The following GBP4 variants were observed in gnomAD, a reference collection of about 807,000 sequenced individuals.
The protein encoded by GBP4 is guanylate-binding protein 4.
A neutral mutation model predicts 62.2 loss-of-function variants in GBP4; 69 were observed. The observed-to-expected ratio is 1.11, with a 90% CI of 0.91 to 1.36. The LOEUF (loss-of-function observed/expected upper bound fraction) is 1.36. Among genes scored for constraint, GBP4 ranks in the 40% most tolerant of loss-of-function variants. The pLI is 0.00. For missense variants in GBP4, 697 were observed against 759.3 expected, an observed-to-expected ratio of 0.92 and a Z score of 0.96; for synonymous variants, 278 against 274.6, an observed-to-expected ratio of 1.01 and a Z score of -0.12.
At chr1:89,195,230 T>G (rs562747208) in intron 3 of GBP4, 67 bp downstream of exon 3, 1 of 1,549,464 alleles carries the variant, frequency 6.5e-7, no homozygotes, top group Admixed American at 1.7e-5. Context: ...TGTACAGAAG[T>G]TGAAGGGAGC....
At position 89,185,289 on chromosome 1, in the gene GBP4, C is replaced by T. The variant is rs1220951059; in HGVS notation, c.1888G>A (p.Gly630Arg). Residue 630 changes from glycine to arginine, a missense_variant, in exon 11 of 11, where the codon GGA (glycine) becomes AGA (arginine). Around this residue, in one of 2 missense-constraint regions of GBP4, gnomAD observed 141 missense variants for 196.6 expected, o/e 0.72. Transcript: ENST00000355754. Reference protein sequence around the residue: ...VTLPGASKLLGVGTKYLGSRI With the variant: ...VTLPGASKLLRVGTKYLGSRI ...GAGCCAAGATATTTTGTCCCTACTCCAAGTAGCTTGGAAGCCCCAGGTAGA... is the reference window on the plus strand; with the variant it reads ...GAGCCAAGATATTTTGTCCCTACTCTAAGTAGCTTGGAAGCCCCAGGTAGA... 1 of 1,613,054 alleles carries T rather than the reference C, an allele frequency of 6.2e-7. No individual in the cohort carries two copies. Among genetic ancestry groups the T allele is most frequent in the African/African-American group, 1.3e-5 (1 of 74,890 alleles).
Position 89,187,068 on chromosome 1 carries a change from T to A in GBP4, c.1445A>T (p.Gln482Leu), listed in dbSNP as rs374218635. 17 of 1,613,996 alleles carry A rather than the reference T, an allele frequency of 1.1e-5. No individual in the cohort carries two copies. The highest frequency in any genetic ancestry group is 1.4e-5 in the Non-Finnish European group (16 of 1,179,984). The change falls in exon 9 of 11, where the codon CAG (glutamine) becomes CTG (leucine). Residue 482 changes from glutamine (Q) to leucine (L), a missense_variant. Coordinates refer to ENST00000355754, the MANE Select transcript of GBP4 (RefSeq NM_052941.5). ...NEVLQNFLQS[Q>L]VVVEESILQS... ...CAGGATGGATTCCTCTACAACCACC[T>A]GTGACTGCAGGAAGTTCTGGAGGAC...
chr1:89,193,030 T>G lies in GBP4; in HGVS notation c.544A>C (p.Ser182Arg). 1 of 1,614,220 alleles carries G rather than the reference T, an allele frequency of 6.2e-7. No homozygotes were observed. The highest frequency in any genetic ancestry group is 8.5e-7 in the Non-Finnish European group (1 of 1,180,044). ...CPRPDEAEDS[S>R]EFASFFPDFI... ...TCTGGAAAGAAACTCGCAAACTCGC[T>G]GGAGTCCTCAGCTTCATCAGGTCTG... Residue 182 changes from serine (S) to arginine (R), a missense_variant, in exon 5 of 11, where the codon AGC becomes CGC. Coordinates refer to ENST00000355754, the MANE Select transcript of GBP4 (RefSeq NM_052941.5).
intron 2 of GBP4, among the ~76,000 whole-genome samples, chr1:89,196,673 A>C (rs1648349847): frequency 6.6e-6 from 1 of 152,258 alleles, no homozygotes; most frequent in South Asian, 2.1e-4. Context: ...GAAATGAAGC[A>C]AAAAATTAGA....
At chr1:89,198,447 A>C (rs1648406366) in intron 1 of GBP4, among the ~76,000 whole-genome samples, 1 of 152,150 alleles carries the variant, frequency 6.6e-6, no homozygotes, top group South Asian at 2.1e-4. Flanking sequence ...CAGAAAATTA[A>C]TAAAACAAAC....
chr1:89,191,244 G>A lies in GBP4; in HGVS notation c.916+17C>T. ...TGGACCACAGACAGACATGCTTTGGGACAAAAAAAGACTCACGCTTTCCAG... is the reference window on the plus strand; with the variant it reads ...TGGACCACAGACAGACATGCTTTGGAACAAAAAAAGACTCACGCTTTCCAG... On this transcript the variant is annotated intron_variant, in intron 6 of 10. Coordinates refer to ENST00000355754, the MANE Select transcript of GBP4 (RefSeq NM_052941.5). 6.2e-7 allele frequency: 1 copy of A among 1,607,696 alleles called. No individual in the cohort carries two copies. The highest frequency in any genetic ancestry group is 8.5e-7 in the Non-Finnish European group (1 of 1,174,636).
At chr1:89,190,002 A>C in intron 7 of GBP4, 36 bp downstream of exon 7, 1 of 1,571,332 alleles carries the variant, frequency 6.4e-7, no homozygotes, top group Non-Finnish European at 8.7e-7. Context: ...TCATTTCGGA[A>C]GGGCAGAAAT....
chr1:89,197,216 T>C lies in GBP4; in HGVS notation c.129A>G (p.Leu43=), dbSNP rs747141602. 9.9e-6 allele frequency: 16 copies of C among 1,614,086 alleles called. No individual in the cohort carries two copies. The South Asian group carries it at 1.6e-4, about 17-fold the overall frequency. Residue 43 remains leucine (L), a synonymous_variant, in exon 2 of 11, where the codon TTA becomes TTG. Transcript: ENST00000355754. ...GCTGAGAAATCTTGTCAAGAATCTC[T>C]AATGCCTTTGAATTCACTGTCAGCT... ...EEQLTVNSKA[L]EILDKISQPV...
rs369359973 is a variant in GBP4, at chr1:89,190,838, A to G, written c.916+423T>C. ...TGGACGACTACACAGGTTGCATGCCATGAAGCTAGCCCCGTACTTAATATG... is the reference window on the plus strand; with the variant it reads ...TGGACGACTACACAGGTTGCATGCCGTGAAGCTAGCCCCGTACTTAATATG... On this transcript the variant is annotated intron_variant, in intron 6 of 10. Coordinates refer to ENST00000355754, the MANE Select transcript of GBP4 (RefSeq NM_052941.5). Among the ~76,000 whole-genome samples, 38 of 152,180 alleles carry G rather than the reference A, an allele frequency of 2.5e-4. 1 individual carries two copies. The highest frequency in any genetic ancestry group is 9.1e-4 in the African/African-American group (38 of 41,550).
intron 7 of GBP4, 84 bp downstream of exon 7, chr1:89,189,951 AAGG>A (rs1648135573): frequency 1.6e-6 from 2 of 1,275,672 alleles, no homozygotes; most frequent in African/African-American, 3.0e-5. Flanking sequence ...CCACAGTGGT[AAGG>A]AGATGAACCA....
At position 89,190,230 on chromosome 1, in the gene GBP4, C is replaced by T; in HGVS notation, c.1005G>A (p.Gln335=). 1 of 1,614,176 alleles carries T rather than the reference C, an allele frequency of 6.2e-7. No homozygotes were observed. Among genetic ancestry groups the T allele is most frequent in the Middle Eastern group, 1.6e-4 (1 of 6,062 alleles). Residue 335 remains glutamine (Q), a synonymous_variant, in exon 7 of 11, where the codon CAG becomes CAA. Transcript: ENST00000355754. ...CLENAVTALA[Q]LENPAAVQRA... ...TCTGCACAGCCGCTGGGTTCTCAAG[C>T]TGGGCCAGTGCTGTCACTGCATTCT...
At chr1:89,192,661 A>G (rs1362956313) in intron 5 of GBP4, among the ~76,000 whole-genome samples, 1 of 152,236 alleles carries the variant, frequency 6.6e-6, no homozygotes, top group African/African-American at 2.4e-5. Context: ...TTATTGGTCT[A>G]AAATGATTTG....
Position 89,186,513 on chromosome 1 carries a change from C to T in GBP4, c.1527G>A (p.Met509Ile), listed in dbSNP as rs1352453832. 6.2e-7 allele frequency: 1 copy of T among 1,613,978 alleles called. No homozygotes were observed. Among genetic ancestry groups the T allele is most frequent in the Non-Finnish European group, 8.5e-7 (1 of 1,179,962 alleles). Residue 509 changes from methionine to isoleucine, a missense_variant, in exon 10 of 11, where the codon ATG (methionine) becomes ATA (isoleucine). Transcript: ENST00000355754. ...GEKAIAAERA[M>I]KEAAEKEQEL... ...CCTGTTCCTTCTCAGCTGCTTCCTT[C>T]ATGGCCCGCTCCGCTATTCCACAAA...
intron 3 of GBP4, among the ~76,000 whole-genome samples, chr1:89,194,543 C>A (rs911418122): frequency 6.6e-6 from 1 of 151,974 alleles, no homozygotes; most frequent in Non-Finnish European, 1.5e-5. Flanking sequence ...TCCCTTTTTT[C>A]AATAATGGAA....
At chr1:89,198,537 G>A (rs925844437) in intron 1 of GBP4, among the ~76,000 whole-genome samples, 3 of 152,182 alleles carry the variant, frequency 2.0e-5, no homozygotes, top group Non-Finnish European at 4.4e-5. Context: ...GAAGCCCGAG[G>A]AGGAGCAGCG....
chr1:89,193,013 G>A lies in GBP4; in HGVS notation c.561C>T (p.Phe187=), dbSNP rs1557475548. ...EAEDSSEFAS[F]FPDFIWTVRD... Reference sequence around the variant, plus strand: ...GAACAGTCCAAATAAAGTCTGGAAAGAAACTCGCAAACTCGCTGGAGTCCT... The same window carrying A: ...GAACAGTCCAAATAAAGTCTGGAAAAAAACTCGCAAACTCGCTGGAGTCCT... Residue 187 remains phenylalanine, a synonymous_variant, in exon 5 of 11, where the codon TTC becomes TTT. Coordinates refer to ENST00000355754, the MANE Select transcript of GBP4 (RefSeq NM_052941.5). 1.9e-6 allele frequency: 3 copies of A among 1,614,060 alleles called. No homozygotes were observed. The African/African-American group carries it at 4.0e-5, about 22-fold the overall frequency.
intron 5 of GBP4, 37 bp downstream of exon 5, chr1:89,192,867 C>CA: frequency 6.3e-7 from 1 of 1,595,778 alleles, no homozygotes. Context: ...TCCTACCCCC[C>CA]ACTGAACCTT....
intron 1 of GBP4, 97 bp from the exon 2 acceptor site, chr1:89,197,401 A>C: frequency 1.1e-6 from 1 of 870,528 alleles, no homozygotes; most frequent in Non-Finnish European, 1.7e-6. Flanking sequence ...TTGCTTGTGG[A>C]ATGGTATATA....
intron 3 of GBP4, among the ~76,000 whole-genome samples, chr1:89,195,009 A>AC (rs1427746036): frequency 2.0e-5 from 3 of 152,230 alleles, no homozygotes; most frequent in Admixed American, 2.0e-4. Context: ...CTTGGCCTTT[A>AC]CCTTGTTTAC....
Sources: allele counts gnomAD v4.1 joint callset (sites outside exome capture counted in the v4.1 genomes callset), GRCh38; gene constraint gnomAD v4.1.1; regional missense constraint gnomAD v4.1.1; transcripts MANE v1.5; gene names NCBI Gene and HGNC (gene_info 2026-07-23, HGNC 2026-07-21).